The following TENM3 variants were observed in gnomAD, a reference collection of about 807,000 sequenced individuals.
The protein encoded by TENM3 is teneurin-3.
In TENM3, 63 loss-of-function variants were observed where a neutral mutation model predicts 255.1. The observed-to-expected ratio is 0.25, with a 90% CI of 0.20 to 0.30. TENM3 has a LOEUF of 0.30. Ranked by LOEUF, TENM3 falls within the 10% of genes least tolerant of loss-of-function variation. The pLI, the probability that TENM3 is intolerant of heterozygous loss-of-function variation, is 1.00. For synonymous variants in TENM3, 1,306 were observed against 1,322.3 expected, an observed-to-expected ratio of 0.99 and a Z score of 0.27; for missense variants, 2,929 against 3,461.1, an observed-to-expected ratio of 0.85 and a Z score of 3.86.
At chr4:181,739,797 T>C in the TENM3 span, among the ~76,000 whole-genome samples, 1 of 152,222 alleles carries the variant, frequency 6.6e-6, no homozygotes, top group Non-Finnish European at 1.5e-5. Flanking sequence ...TTGTAGGTTT[T>C]TTTAATTATA....
At chr4:181,855,097 C>T in the TENM3 span, among the ~76,000 whole-genome samples, 29 of 152,000 alleles carry the variant, frequency 1.9e-4, no homozygotes, top group Non-Finnish European at 4.1e-4. Context: ...TGTGAAATAA[C>T]GTTGATGCAA....
At chr4:182,443,855 A>G (rs943588737) in intron 3 of TENM3, among the ~76,000 whole-genome samples, 2 of 152,214 alleles carry the variant, frequency 1.3e-5, no homozygotes, top group Non-Finnish European at 2.9e-5. Flanking sequence ...AGTGGACATG[A>G]TTGGATATCT....
In TENM3 at chr4:182,679,609, A is replaced by G. The variant is rs570664845; in HGVS notation, c.1327-57A>G. On this transcript the variant is annotated intron_variant, in intron 7 of 27. Coordinates refer to ENST00000511685, the MANE Select transcript of TENM3 (RefSeq NM_001080477.4). ...AAGACAGATTGAAGAGAAAAAAAAA[A>G]AGAGAGAAGCAGCCACCCTTTATCT... The G allele has an allele frequency of 4.1e-4, 559 of 1,377,234 alleles. 6 individuals are homozygous for G. The African/African-American group carries it at 7.6e-3, about 19-fold the overall frequency. The allele number at this position is 1,377,234 out of a possible 1,614,324, so 85.3% of individuals were successfully genotyped here. A position where few individuals can be genotyped will look rare whatever the true frequency, so the allele number is the denominator to read the frequency against.
chr4:181,984,170 A>G, the TENM3 span, among the ~76,000 whole-genome samples: 1 of 152,044 alleles, frequency 6.6e-6, no homozygotes, highest in Non-Finnish European at 1.5e-5. Context: ...CTGATCTCAG[A>G]ACAGTCATGC....
At chr4:182,614,901 T>C (rs569731059) in intron 4 of TENM3, among the ~76,000 whole-genome samples, 5 of 151,954 alleles carry the variant, frequency 3.3e-5, no homozygotes, top group African/African-American at 1.2e-4. Context: ...GAAGCTACCA[T>C]TGCTGCAGCC....
chr4:182,025,685 G>A, the TENM3 span, among the ~76,000 whole-genome samples: 131 of 152,198 alleles, frequency 8.6e-4, no homozygotes, highest in Non-Finnish European at 1.6e-3. Flanking sequence ...GCAAGTATTT[G>A]TTATTGCCTG....
chr4:182,080,738 T>A, the TENM3 span, among the ~76,000 whole-genome samples: 1 of 152,166 alleles, frequency 6.6e-6, no homozygotes, highest in African/African-American at 2.4e-5. Context: ...GCGCCCGTAA[T>A]CCCAGCAGTG....
chr4:181,654,608 G>A, the TENM3 span, among the ~76,000 whole-genome samples: 1 of 151,984 alleles, frequency 6.6e-6, no homozygotes, highest in East Asian at 1.9e-4. Flanking sequence ...ACAAAAATTA[G>A]CTGGGCATGG....
the TENM3 span, among the ~76,000 whole-genome samples, chr4:181,479,645 T>A: frequency 1.3e-5 from 2 of 152,026 alleles, no homozygotes; most frequent in Admixed American, 6.6e-5. Context: ...ATCAAAAAAA[T>A]TAATAGGACT....
chr4:182,460,967 T>C (rs765908825), intron 3 of TENM3, among the ~76,000 whole-genome samples: 1 of 152,222 alleles, frequency 6.6e-6, no homozygotes, highest in Non-Finnish European at 1.5e-5. Flanking sequence ...ACCTACTATT[T>C]GCTACCTAGT....
the TENM3 span, among the ~76,000 whole-genome samples, chr4:182,101,076 AAGGG>A: frequency 0.14 from 1,453 of 10,580 alleles, 429 homozygotes; most frequent in East Asian, 0.19. Context: ...AAAAGAAAGG[AAGGG>A]AGGGAGGGAG....
the TENM3 span, among the ~76,000 whole-genome samples, chr4:181,652,625 T>C: frequency 5.5e-3 from 839 of 152,344 alleles, 8 homozygotes; most frequent in African/African-American, 0.019. Flanking sequence ...TCATGCATCC[T>C]GACTGTGTCC....
At chr4:182,417,034 T>C (rs574291266) in intron 3 of TENM3, among the ~76,000 whole-genome samples, 13 of 152,256 alleles carry the variant, frequency 8.5e-5, no homozygotes, top group East Asian at 5.8e-4. Flanking sequence ...AGTGCGGTGG[T>C]GCGATCTCGG....
At chr4:182,643,568 A>G (rs1198856889) in intron 5 of TENM3, among the ~76,000 whole-genome samples, 4 of 152,200 alleles carry the variant, frequency 2.6e-5, no homozygotes, top group Non-Finnish European at 5.9e-5. Flanking sequence ...CAAGCCTCAG[A>G]AAGATCCAGT....
At chr4:181,920,138 G>C in the TENM3 span, among the ~76,000 whole-genome samples, 1 of 151,816 alleles carries the variant, frequency 6.6e-6, no homozygotes, top group African/African-American at 2.4e-5. Context: ...TATCATTGTT[G>C]GACATTTGGG....
chr4:181,459,890 T>C, the TENM3 span, among the ~76,000 whole-genome samples: 1 of 151,954 alleles, frequency 6.6e-6, no homozygotes, highest in South Asian at 2.1e-4. Context: ...AAAATATAAA[T>C]CAATCTGGGA....
chr4:182,409,427 G>C (rs571512291), intron 3 of TENM3, among the ~76,000 whole-genome samples: 3 of 152,174 alleles, frequency 2.0e-5, no homozygotes, highest in Admixed American at 6.5e-5. Context: ...AGGCCTCCTG[G>C]TCTCATTTTA....
At chr4:182,202,299 CTTTTTTT>C (rs773698031) in intron 1 of TENM3, among the ~76,000 whole-genome samples, 1 of 100,622 alleles carries the variant, frequency 9.9e-6, no homozygotes, top group South Asian at 3.0e-4. Flanking sequence ...GTGCACTGCA[CTTTTTTT>C]TTTTTTTTTT....
At chr4:182,505,927 A>G (rs529377799) in intron 3 of TENM3, among the ~76,000 whole-genome samples, 1 of 152,348 alleles carries the variant, frequency 6.6e-6, no homozygotes, top group South Asian at 2.1e-4. Context: ...AAAGCAAAGC[A>G]TTAATTTTCT....
Sources: gnomAD v4.1 joint callset for allele counts (sites outside exome capture counted in the v4.1 genomes callset) on GRCh38, gnomAD v4.1.1 for gene constraint, MANE v1.5 for transcripts, NCBI Gene and HGNC (gene_info 2026-07-23, HGNC 2026-07-21) for gene names.